Variants in ANKFN1 observed in about 807,000 individuals in gnomAD.
ANKFN1 encodes the protein ankyrin repeat and fibronectin type-III domain-containing protein 1.
A neutral mutation model predicts 108.7 loss-of-function variants in ANKFN1; 74 were observed. The observed-to-expected ratio is 0.68, with a 90% CI of 0.56 to 0.83. The LOEUF is 0.83. Among genes scored for constraint, ANKFN1 ranks in the 40% least tolerant of loss-of-function variants. The probability of loss-of-function intolerance (pLI) is 0.00; values close to 1 mark genes in which losing one functional copy is unlikely to be tolerated. For synonymous variants in ANKFN1, 547 were observed against 516.2 expected (o/e 1.06, Z -0.81); for missense variants, 1,505 against 1,382.3 (o/e 1.09, Z -1.41).
intron 1 of ANKFN1, among the ~76,000 whole-genome samples, chr17:56,182,155 A>G (rs1249935731): frequency 6.6e-6 from 1 of 152,206 alleles, no homozygotes; most frequent in Non-Finnish European, 1.5e-5. Flanking sequence ...GAATAGGCCA[A>G]TTAATAACCC....
intron 1 of ANKFN1, among the ~76,000 whole-genome samples, chr17:56,165,770 C>T (rs143019182): frequency 6.6e-6 from 1 of 152,208 alleles, no homozygotes. Flanking sequence ...GGAAAATGTT[C>T]TTTTCAACAT....
At chr17:56,219,822 T>A (rs1416482518) in intron 2 of ANKFN1, among the ~76,000 whole-genome samples, 4 of 152,216 alleles carry the variant, frequency 2.6e-5, no homozygotes, top group Non-Finnish European at 4.4e-5. Flanking sequence ...CATTTTCTGC[T>A]CCAATGGCGG....
intron 11 of ANKFN1, among the ~76,000 whole-genome samples, chr17:56,456,466 C>T (rs1382624088): frequency 1.4e-5 from 2 of 138,932 alleles, no homozygotes; most frequent in Non-Finnish European, 3.0e-5. Context: ...AGCACGATCT[C>T]GGCTCACTAC....
At chr17:56,087,941 T>C (rs934679439) in intron 4 of ANKFN1, among the ~76,000 whole-genome samples, 1 of 150,848 alleles carries the variant, frequency 6.6e-6, no homozygotes, top group Non-Finnish European at 1.5e-5. Context: ...TACCTCTATA[T>C]GTGTGTGTGT....
chr17:56,218,476 C>A (rs1321127015), intron 2 of ANKFN1, among the ~76,000 whole-genome samples: 3 of 152,118 alleles, frequency 2.0e-5, no homozygotes, highest in Admixed American at 2.0e-4. Context: ...TCTCTTTTCA[C>A]TCTTCCATGT....
intron 4 of ANKFN1, among the ~76,000 whole-genome samples, chr17:56,091,085 G>C (rs959120594): frequency 6.6e-6 from 1 of 151,026 alleles, no homozygotes; most frequent in African/African-American, 2.4e-5. Flanking sequence ...CCAGAAGCTG[G>C]TCCAAAGCAT....
chr17:56,497,982 G>A lies in ANKFN1; in HGVS notation c.2428-900G>A, dbSNP rs138414147. 5.1e-4 allele frequency among the ~76,000 whole-genome samples: 77 copies of A among 152,142 alleles called. 1 individual carries two copies. The East Asian group carries it at 0.013, about 26-fold the overall frequency. On this transcript the variant is annotated intron_variant, in intron 19 of 20. Coordinates refer to ENST00000682825, the MANE Select transcript of ANKFN1 (RefSeq NM_001370326.1). ...GTCTATCAAGATCTGGAAAACTTTC[G>A]TCATCTATATATACAGAGAGACACA...
intron 16 of ANKFN1, 140 bp downstream of exon 16, chr17:56,477,794 G>A (rs1269060510): frequency 6.0e-6 from 5 of 836,258 alleles, no homozygotes; most frequent in Non-Finnish European, 9.2e-6. Context: ...CACTGAAGTG[G>A]GGCAGAGCTT....
rs560144963 is a variant in ANKFN1, at chr17:56,091,362, GTTTA to G, written c.288+45043_288+45046del. On this transcript the variant is annotated intron_variant, in intron 4 of 12. Transcript: ENST00000635860. ...GCAATATATATTTTAAATGAATAGG[GTTTA>G]TTTATCAATTAAAATTTATTTTTAA... Among the ~76,000 whole-genome samples, 10 of 149,632 alleles carry G rather than the reference GTTTA, an allele frequency of 6.7e-5. No homozygotes were observed. The East Asian group carries it at 1.9e-3, about 29-fold the overall frequency.
chr17:56,072,503 G>A (rs964693403), intron 4 of ANKFN1, among the ~76,000 whole-genome samples: 1 of 152,046 alleles, frequency 6.6e-6, no homozygotes, highest in African/African-American at 2.4e-5. Context: ...CAGAACCCCC[G>A]TTCATGAGAC....
rs149681451 is a variant in ANKFN1, at chr17:56,054,368, G to A, written c.288+8043G>A. 1.1e-3 allele frequency among the ~76,000 whole-genome samples: 172 copies of A among 152,336 alleles called. 2 individuals are homozygous for A. Among genetic ancestry groups the A allele is most frequent in the African/African-American group, 3.8e-3 (157 of 41,574 alleles). On this transcript the variant is annotated intron_variant, in intron 4 of 12. Transcript: ENST00000635860. ...AAGAAACTCACTCAGGTTTTGAGAT[G>A]TTTTGCAACTTGTCCTGGGTCGTAG...
chr17:56,051,890 C>A (rs552195345), intron 4 of ANKFN1, among the ~76,000 whole-genome samples: 1 of 150,602 alleles, frequency 6.6e-6, no homozygotes, highest in South Asian at 2.1e-4. Context: ...TCAAGGAGAA[C>A]TACAAACCAC....
At chr17:56,319,632 C>A (rs192668082) in intron 3 of ANKFN1, among the ~76,000 whole-genome samples, 1 of 152,270 alleles carries the variant, frequency 6.6e-6, no homozygotes, top group East Asian at 1.9e-4. Flanking sequence ...TTCATTATGA[C>A]CAAATCTAGT....
chr17:56,061,614 C>T (rs1455664434), intron 4 of ANKFN1, among the ~76,000 whole-genome samples: 1 of 152,028 alleles, frequency 6.6e-6, no homozygotes, highest in Non-Finnish European at 1.5e-5. Flanking sequence ...ACATCCCCTT[C>T]ATCATTTTTT....
rs527575414 is a variant in ANKFN1, at chr17:56,206,362, A to T, written c.-70-6236A>T. 6 of 152,312 alleles carry T rather than the reference A, an allele frequency of 3.9e-5. No individual in the cohort carries two copies. The East Asian group carries it at 5.8e-4, about 15-fold the overall frequency. The allele number at this position is 152,312 out of a possible 1,614,324, so 9.4% of individuals were successfully genotyped here. A position where few individuals can be genotyped will look rare whatever the true frequency, so the allele number is the denominator to read the frequency against. ...TCCCCTCCCCATGGCCCATGATTAC[A>T]TGATAGTCCCTTAGTAGATGGATGT... On this transcript the variant is annotated intron_variant, in intron 1 of 20. Coordinates refer to ENST00000682825, the MANE Select transcript of ANKFN1 (RefSeq NM_001370326.1).
At chr17:56,107,862 T>A (rs926865983) in intron 4 of ANKFN1, among the ~76,000 whole-genome samples, 5 of 152,320 alleles carry the variant, frequency 3.3e-5, no homozygotes, top group East Asian at 1.9e-4. Context: ...AATTATTTTT[T>A]AAATATTTTT....
intron 4 of ANKFN1, among the ~76,000 whole-genome samples, chr17:56,060,331 C>T (rs959755397): frequency 9.2e-5 from 14 of 152,108 alleles, no homozygotes; most frequent in Admixed American, 3.3e-4. Flanking sequence ...AGTTTTGGGG[C>T]TGAGATTATA....
intron 6 of ANKFN1, among the ~76,000 whole-genome samples, chr17:56,354,841 C>A (rs191961155): frequency 3.3e-5 from 5 of 152,304 alleles, no homozygotes; most frequent in Admixed American, 2.0e-4. Context: ...TATTGACAGA[C>A]ACTTAAGTTG....
intron 20 of ANKFN1, among the ~76,000 whole-genome samples, chr17:56,500,589 T>C (rs980046134): frequency 3.3e-5 from 5 of 152,150 alleles, no homozygotes; most frequent in Non-Finnish European, 7.4e-5. Context: ...AAAGAGAGCC[T>C]CCTGGAGGAG....
Sources: gnomAD v4.1 joint callset for allele counts (sites outside exome capture counted in the v4.1 genomes callset) on GRCh38, gnomAD v4.1.1 for gene constraint, MANE v1.5 for transcripts, NCBI Gene and HGNC (gene_info 2026-07-23, HGNC 2026-07-21) for gene names.